POU2F1: variants seen among roughly 807,000 people sequenced by gnomAD.
POU2F1 encodes POU domain, class 2, transcription factor 1.
POU2F1 carries 16 observed loss-of-function variants against 84.9 expected under a neutral mutation model. That is an observed-to-expected ratio of 0.19 (90% CI 0.13 to 0.29). The LOEUF (loss-of-function observed/expected upper bound fraction) is 0.29, where lower values mean the gene tolerates loss of function less well. Among genes scored for constraint, POU2F1 ranks in the 10% least tolerant of loss-of-function variants. The probability of loss-of-function intolerance (pLI) is 1.00; values close to 1 mark genes in which losing one functional copy is unlikely to be tolerated. For missense variants in POU2F1, 738 were observed against 942.6 expected (o/e 0.78, Z 2.84); for synonymous variants, 368 against 368.3 (o/e 1.00, Z 0.01).
At position 167,363,485 on chromosome 1, in the gene POU2F1, A is replaced by G. The variant is rs554532771; in HGVS notation, c.128-1982A>G. Among the ~76,000 whole-genome samples the G allele has an allele frequency of 1.2e-4, 18 of 152,364 alleles. No homozygotes were observed. The South Asian group carries it at 3.1e-3, about 26-fold the overall frequency. On this transcript the variant is annotated intron_variant, in intron 2 of 15. Coordinates refer to ENST00000367866, the MANE Select transcript of POU2F1 (RefSeq NM_002697.4). ...TATCCTGCATAGAGATAGAGATAAC[A>G]ACTAATGACAAAACGCATGACTTTA...
chr1:167,311,662 A>T (rs1356312471), intron 1 of POU2F1, among the ~76,000 whole-genome samples: 1 of 152,126 alleles, frequency 6.6e-6, no homozygotes, highest in Non-Finnish European at 1.5e-5. Flanking sequence ...AACAAAAAAA[A>T]ATTTCAAATA....
At chr1:167,251,156 T>A (rs1650697380) in intron 1 of POU2F1, among the ~76,000 whole-genome samples, 1 of 152,136 alleles carries the variant, frequency 6.6e-6, no homozygotes, top group African/African-American at 2.4e-5. Context: ...CCCAGCACTT[T>A]GGGAGACAGA....
chr1:167,416,100 A>G lies in POU2F1; in HGVS notation c.*290A>G. ...CTAACCAAAAATTAAAAAAAAAAAAAAAAAAAGAAACAAAAAAATCAAAAA... is the reference window on the plus strand; with the variant it reads ...CTAACCAAAAATTAAAAAAAAAAAAGAAAAAAGAAACAAAAAAATCAAAAA... On this transcript the variant is annotated 3_prime_UTR_variant, in exon 16 of 16. Coordinates refer to ENST00000367866, the MANE Select transcript of POU2F1 (RefSeq NM_002697.4). The G allele has an allele frequency of 1.8e-6, 1 of 550,098 alleles. No individual in the cohort carries two copies. The allele number at this position is 550,098 out of a possible 1,614,324, so 34.1% of individuals were successfully genotyped here.
At chr1:167,410,078 A>G (rs1411281336) in intron 13 of POU2F1, among the ~76,000 whole-genome samples, 4 of 152,270 alleles carry the variant, frequency 2.6e-5, no homozygotes, top group African/African-American at 9.6e-5. Context: ...GAACCAAAGA[A>G]GTAATGAACG....
chr1:167,281,778 G>T (rs1571222594), intron 1 of POU2F1, among the ~76,000 whole-genome samples: 1 of 151,660 alleles, frequency 6.6e-6, no homozygotes, highest in East Asian at 1.9e-4. Flanking sequence ...GGCTAAACTT[G>T]GTTTAACAGT....
intron 1 of POU2F1, among the ~76,000 whole-genome samples, chr1:167,237,768 ATATAT>A (rs1309917751): frequency 2.6e-4 from 4 of 15,386 alleles, no homozygotes; most frequent in African/African-American, 5.9e-4. Flanking sequence ...ATATATATAT[ATATAT>A]TTTTTTTTTT....
At chr1:167,400,360 T>C (rs1649125303) in intron 12 of POU2F1, among the ~76,000 whole-genome samples, 1 of 152,188 alleles carries the variant, frequency 6.6e-6, no homozygotes, top group Non-Finnish European at 1.5e-5. Flanking sequence ...CATACTCTTC[T>C]CTGGTATAGT....
chr1:167,283,289 A>G (rs1212690359), intron 1 of POU2F1, among the ~76,000 whole-genome samples: 1 of 152,056 alleles, frequency 6.6e-6, no homozygotes, highest in African/African-American at 2.4e-5. Flanking sequence ...GTAAAAAGCC[A>G]TTACCAACAA....
Position 167,412,053 on chromosome 1 carries a change from C to G in POU2F1, c.1650C>G (p.Ser550=). ...TCACGTCCCCCTCTCTGAGTCCCTC[C>G]CCTTCTGCCTCAGCCTCCACCTCCG... ...SAVTSPSLSP[S]PSASASTSEA... Residue 550 remains serine, a synonymous_variant, in exon 14 of 16, where the codon TCC becomes TCG. Coordinates refer to ENST00000367866, the MANE Select transcript of POU2F1 (RefSeq NM_002697.4). 2 of 1,614,202 alleles carry G rather than the reference C, an allele frequency of 1.2e-6. No homozygotes were observed. The highest frequency in any genetic ancestry group is 1.7e-6 in the Non-Finnish European group (2 of 1,180,020).
At chr1:167,266,575 C>G (rs2102452839) in intron 1 of POU2F1, among the ~76,000 whole-genome samples, 1 of 150,984 alleles carries the variant, frequency 6.6e-6, no homozygotes, top group Admixed American at 6.6e-5. Context: ...CAGCCACTGT[C>G]ACATAATATT....
chr1:167,222,862 C>G (rs1349050312), intron 1 of POU2F1, among the ~76,000 whole-genome samples: 1 of 152,152 alleles, frequency 6.6e-6, no homozygotes, highest in African/African-American at 2.4e-5. Flanking sequence ...TAATCCAAAT[C>G]ACTTTGTTTT....
intron 1 of POU2F1, among the ~76,000 whole-genome samples, chr1:167,280,851 A>T (rs1035505584): frequency 1.3e-5 from 2 of 152,208 alleles, no homozygotes; most frequent in African/African-American, 2.4e-5. Flanking sequence ...GGCGTTTATT[A>T]AGTGTTTATA....
intron 1 of POU2F1, among the ~76,000 whole-genome samples, chr1:167,299,736 A>G (rs1201946784): frequency 6.8e-6 from 1 of 146,428 alleles, no homozygotes; most frequent in Non-Finnish European, 1.5e-5. Flanking sequence ...TTCCTCACCT[A>G]GTTCCAAAGA....
chr1:167,364,545 A>C (rs1236525094), intron 2 of POU2F1, among the ~76,000 whole-genome samples: 1 of 137,828 alleles, frequency 7.3e-6, no homozygotes, highest in Non-Finnish European at 1.5e-5. Flanking sequence ...AAAAAAAAAA[A>C]GCTCTTGCAT....
intron 1 of POU2F1, among the ~76,000 whole-genome samples, chr1:167,253,459 T>C (rs913388183): frequency 1.3e-5 from 2 of 150,784 alleles, no homozygotes; most frequent in Non-Finnish European, 2.9e-5. Context: ...TTGGTCTTAC[T>C]CTGTCACCCG....
At chr1:167,334,413 A>C (rs1219220103) in intron 2 of POU2F1, among the ~76,000 whole-genome samples, 1 of 152,072 alleles carries the variant, frequency 6.6e-6, no homozygotes, top group Non-Finnish European at 1.5e-5. Flanking sequence ...TTTCGAGTTA[A>C]GTTATTTTGA....
intron 9 of POU2F1, among the ~76,000 whole-genome samples, chr1:167,391,859 C>T (rs1169584334): frequency 6.6e-6 from 1 of 151,906 alleles, no homozygotes; most frequent in Non-Finnish European, 1.5e-5. Flanking sequence ...AGGCCCAGCC[C>T]AGGCTTATAT....
At position 167,423,601 on chromosome 1, in the gene POU2F1, G is replaced by A. The variant is rs1034230930; in HGVS notation, c.*7791G>A. The stretch of plus-strand genomic sequence containing the variant: ...GAAGATGTGATTTATGATTGTTTCT[G>A]TGTCCCTGTATCTGCCCACCCTGCA... On this transcript the variant is annotated 3_prime_UTR_variant, in exon 16 of 16. Transcript: ENST00000367866. The A allele has an allele frequency of 2.0e-5, 3 of 152,192 alleles. No homozygotes were observed. The highest frequency in any genetic ancestry group is 7.2e-5 in the African/African-American group (3 of 41,440). The allele number at this position is 152,192 out of a possible 1,614,324, so 9.4% of individuals were successfully genotyped here.
chr1:167,250,444 G>A (rs561913086), intron 1 of POU2F1, among the ~76,000 whole-genome samples: 63 of 152,194 alleles, frequency 4.1e-4, no homozygotes, highest in African/African-American at 1.5e-3. Context: ...TAAATTTTAG[G>A]TAAGAATGGA....
Sources: allele counts gnomAD v4.1 joint callset (sites outside exome capture counted in the v4.1 genomes callset), GRCh38; gene constraint gnomAD v4.1.1; transcripts MANE v1.5; gene names NCBI Gene and HGNC (gene_info 2026-07-23, HGNC 2026-07-21).